Variants in SEMA5A observed in about 807,000 individuals in gnomAD.
The protein encoded by SEMA5A is semaphorin-5A.
SEMA5A carries 55 observed loss-of-function variants against 135.5 expected under a neutral mutation model. That is an observed-to-expected ratio of 0.41 (90% confidence interval 0.33 to 0.51). SEMA5A has a LOEUF of 0.51. SEMA5A is among the 20% of genes least tolerant of loss of function. The pLI, the probability that SEMA5A is intolerant of heterozygous loss-of-function variation, is 0.37. For synonymous variants in SEMA5A, 580 were observed against 546.5 expected, an observed-to-expected ratio of 1.06 and a Z score of -0.85; for missense variants, 1,290 against 1,419.9, an observed-to-expected ratio of 0.91 and a Z score of 1.47.
At chr5:9,064,035 G>T (rs1237988834) in intron 17 of SEMA5A, among the ~76,000 whole-genome samples, 1 of 152,206 alleles carries the variant, frequency 6.6e-6, no homozygotes, top group Non-Finnish European at 1.5e-5. Flanking sequence ...GGGGAAGTGT[G>T]CTCAGAAGAC....
intron 7 of SEMA5A, 125 bp downstream of exon 7, chr5:9,226,744 A>G: frequency 1.7e-6 from 1 of 603,966 alleles, no homozygotes; most frequent in Non-Finnish European, 2.9e-6. Flanking sequence ...CAATTTGACA[A>G]AAAGTGCTTT....
chr5:9,303,604 T>C (rs1397025831), intron 5 of SEMA5A, among the ~76,000 whole-genome samples: 1 of 152,150 alleles, frequency 6.6e-6, no homozygotes, highest in African/African-American at 2.4e-5. Flanking sequence ...GACTTTCGAA[T>C]GTTCTCACCA....
At chr5:9,197,325 G>A in intron 9 of SEMA5A, 22 bp from the exon 10 acceptor site, 2 of 1,609,336 alleles carry the variant, frequency 1.2e-6, no homozygotes, top group Non-Finnish European at 1.7e-6. Flanking sequence ...GGGAGAGAGA[G>A]AAGGCAGTCA....
intron 21 of SEMA5A, among the ~76,000 whole-genome samples, chr5:9,047,258 T>C (rs1435964755): frequency 1.3e-5 from 2 of 152,236 alleles, no homozygotes; most frequent in African/African-American, 2.4e-5. Context: ...GGAAGATGCA[T>C]GATAGTCTCC....
intron 12 of SEMA5A, among the ~76,000 whole-genome samples, chr5:9,148,323 C>T (rs1364541727): frequency 1.3e-5 from 2 of 152,142 alleles, no homozygotes; most frequent in Non-Finnish European, 2.9e-5. Flanking sequence ...CAGCCTGTGG[C>T]CAAATTCATA....
rs77918493 is a variant in SEMA5A, at chr5:9,252,035, C to T, written c.271-14145G>A. 9.0e-3 allele frequency among the ~76,000 whole-genome samples: 1,370 copies of T among 152,266 alleles called. 16 individuals are homozygous for T. Among genetic ancestry groups the T allele is most frequent in the African/African-American group, 0.027 (1,140 of 41,562 alleles). On this transcript the variant is annotated intron_variant, in intron 5 of 22. Coordinates refer to ENST00000382496, the MANE Select transcript of SEMA5A (RefSeq NM_003966.3). ...AGGGTCCACAATCTTAACCCACGTG[C>T]GATGGACTCTTTCAGTGAATGAGTT...
intron 1 of SEMA5A, among the ~76,000 whole-genome samples, chr5:9,528,897 T>C (rs539322612): frequency 6.6e-6 from 1 of 152,206 alleles, no homozygotes; most frequent in Non-Finnish European, 1.5e-5. Context: ...GTAGAACAGT[T>C]TCACCTGGGA....
chr5:9,097,820 G>A (rs1739405085), intron 16 of SEMA5A, among the ~76,000 whole-genome samples: 1 of 152,178 alleles, frequency 6.6e-6, no homozygotes, highest in Non-Finnish European at 1.5e-5. Flanking sequence ...GCTATACAAA[G>A]ATGCAAATGA....
chr5:9,531,267 C>A (rs1737417747), intron 1 of SEMA5A, among the ~76,000 whole-genome samples: 1 of 152,202 alleles, frequency 6.6e-6, no homozygotes, highest in Admixed American at 6.5e-5. Context: ...GTAAATAGTT[C>A]TATCTTTTCT....
chr5:9,114,933 AG>A, intron 15 of SEMA5A, among the ~76,000 whole-genome samples: 1 of 152,206 alleles, frequency 6.6e-6, no homozygotes, highest in Admixed American at 6.5e-5. Context: ...AGTTACACAA[AG>A]AGTCCTTTCT....
rs151313131 is a variant in SEMA5A, at chr5:9,206,990, C to T, written c.647-4750G>A. On this transcript the variant is annotated intron_variant, in intron 8 of 22. Transcript: ENST00000382496. ...TCCAGCCTGACTTTGGCAAGTGTCG[C>T]ACAAGGTGGCTTTTGACTGCAAAAT... 9.9e-3 allele frequency among the ~76,000 whole-genome samples: 1,457 copies of T among 147,518 alleles called. 34 individuals are homozygous for T. Among genetic ancestry groups the T allele is most frequent in the African/African-American group, 0.034 (1,385 of 40,546 alleles).
chr5:9,153,275 A>G (rs982784091), intron 12 of SEMA5A, among the ~76,000 whole-genome samples: 1 of 152,310 alleles, frequency 6.6e-6, no homozygotes, highest in South Asian at 2.1e-4. Flanking sequence ...GATGCCTAAG[A>G]ACATTTAAGA....
intron 21 of SEMA5A, among the ~76,000 whole-genome samples, chr5:9,049,714 G>A (rs746747471): frequency 2.6e-5 from 4 of 152,206 alleles, no homozygotes; most frequent in Non-Finnish European, 5.9e-5. Flanking sequence ...GACATGGGCT[G>A]TTCCTTGGTG....
At chr5:9,146,520 G>A (rs1317970901) in intron 12 of SEMA5A, among the ~76,000 whole-genome samples, 1 of 152,180 alleles carries the variant, frequency 6.6e-6, no homozygotes, top group African/African-American at 2.4e-5. Context: ...TACAGATATA[G>A]CTTTAAAAAA....
intron 8 of SEMA5A, among the ~76,000 whole-genome samples, chr5:9,218,469 T>C (rs192902988): frequency 2.2e-4 from 33 of 152,244 alleles, no homozygotes; most frequent in Non-Finnish European, 3.8e-4. Flanking sequence ...CCAATAACTA[T>C]TGGAAACATG....
intron 12 of SEMA5A, among the ~76,000 whole-genome samples, chr5:9,145,293 T>C (rs373272944): frequency 9.9e-5 from 15 of 152,270 alleles, no homozygotes; most frequent in African/African-American, 3.6e-4. Flanking sequence ...CACACTCCTA[T>C]GGAAACAGGG....
intron 5 of SEMA5A, among the ~76,000 whole-genome samples, chr5:9,299,968 T>C (rs1254519133): frequency 6.6e-6 from 1 of 151,868 alleles, no homozygotes; most frequent in Non-Finnish European, 1.5e-5. Context: ...ATTATTACAG[T>C]ACTGAAATGA....
chr5:9,066,627 G>A lies in SEMA5A; in HGVS notation c.2093C>T (p.Thr698Ile). ...CTTCTTCAGCTCAGGACACGGGTTG[G>A]TGTTGCAAGACTGGTACTCCTGGGG... ...GCNVEYQSCN[T>I]NPCPELKKTT... The change falls in exon 17 of 23, where the codon ACC becomes ATC. Residue 698 changes from threonine (T) to isoleucine (I), a missense_variant. Physicochemically the swap from Thr to Ile is moderately conservative, Grantham distance 89. Transcript: ENST00000382496. 1.9e-6 allele frequency: 3 copies of A among 1,614,094 alleles called. No individual in the cohort carries two copies. Among genetic ancestry groups the A allele is most frequent in the Non-Finnish European group, 2.5e-6 (3 of 1,180,024 alleles).
intron 3 of SEMA5A, among the ~76,000 whole-genome samples, chr5:9,364,752 G>T (rs1344059013): frequency 6.6e-6 from 1 of 152,092 alleles, no homozygotes; most frequent in Non-Finnish European, 1.5e-5. Flanking sequence ...CATCTCAAAA[G>T]TCATAAAAAG....
Sources: allele counts gnomAD v4.1 joint callset (sites outside exome capture counted in the v4.1 genomes callset), GRCh38; gene constraint gnomAD v4.1.1; transcripts MANE v1.5; gene names NCBI Gene and HGNC (gene_info 2026-07-23, HGNC 2026-07-21).